STXBP5L: variants seen among roughly 807,000 people sequenced by gnomAD.
The protein encoded by STXBP5L is syntaxin binding protein 5L.
Under a neutral mutation model 144.5 loss-of-function variants are expected in STXBP5L, and 65 were observed. The ratio of observed to expected loss-of-function variants is 0.45; its 90% CI spans 0.37 to 0.55. The LOEUF (loss-of-function observed/expected upper bound fraction) is 0.55, where lower values mean the gene tolerates loss of function less well. Among genes scored for constraint, STXBP5L ranks in the 20% least tolerant of loss-of-function variants. STXBP5L has a pLI of 0.00. For synonymous variants in STXBP5L, 505 were observed against 469.6 expected, an observed-to-expected ratio of 1.08 and a Z score of -0.97; for missense variants, 1,298 against 1,405.5, an observed-to-expected ratio of 0.92 and a Z score of 1.22.
intron 2 of STXBP5L, among the ~76,000 whole-genome samples, chr3:120,935,973 G>T (rs940768164): frequency 6.6e-6 from 1 of 151,846 alleles, no homozygotes; most frequent in African/African-American, 2.4e-5. Context: ...TCTTTCTCTT[G>T]ACCTTTCTGA....
At chr3:121,135,386 C>T (rs2045201893) in intron 7 of STXBP5L, among the ~76,000 whole-genome samples, 1 of 152,144 alleles carries the variant, frequency 6.6e-6, no homozygotes, top group South Asian at 2.1e-4. Flanking sequence ...CAAACCATAG[C>T]AATGGTGAAG....
In STXBP5L at chr3:121,378,789, T is replaced by C. The variant is rs771599118; in HGVS notation, c.2250T>C (p.Asp750=). The change falls in exon 21 of 27, where the codon GAT becomes GAC. Residue 750 remains aspartate (D), a synonymous_variant. Transcript: ENST00000471454. ...CSSGKRLSSA[D]VSKVNRWGPG... ...CTGGAAAACGTCTTTCTAGTGCCGA[T>C]GTTTCAAAAGTAAATCGCTGGGGTC... The C allele has an allele frequency of 1.9e-5, 30 of 1,613,638 alleles. No homozygotes were observed. In the African/African-American group the frequency reaches 3.5e-4, roughly 19 times the overall value.
At chr3:121,001,493 G>A (rs1223367262) in intron 3 of STXBP5L, among the ~76,000 whole-genome samples, 1 of 152,144 alleles carries the variant, frequency 6.6e-6, no homozygotes, top group Admixed American at 6.5e-5. Flanking sequence ...GGTATCCCTG[G>A]CTGTGCTCCA....
chr3:120,909,543 C>T, intron 1 of STXBP5L, 28 bp from the exon 2 acceptor site: 1 of 1,596,324 alleles, frequency 6.3e-7, no homozygotes, highest in South Asian at 1.1e-5. Context: ...CACCTCTTTC[C>T]CTTTTTTTCC....
intron 3 of STXBP5L, among the ~76,000 whole-genome samples, chr3:121,030,819 T>C (rs752480731): frequency 6.6e-6 from 1 of 152,066 alleles, no homozygotes; most frequent in Non-Finnish European, 1.5e-5. Flanking sequence ...ATCAATATTT[T>C]AGGAAAATTC....
chr3:121,094,449 G>A (rs1385451241), intron 5 of STXBP5L, among the ~76,000 whole-genome samples: 1 of 151,890 alleles, frequency 6.6e-6, no homozygotes, highest in Non-Finnish European at 1.5e-5. Context: ...TATGAGTCTG[G>A]GTGCTCCTGT....
intron 22 of STXBP5L, among the ~76,000 whole-genome samples, chr3:121,383,253 A>C (rs571523514): frequency 6.6e-6 from 1 of 152,242 alleles, no homozygotes; most frequent in South Asian, 2.1e-4. Flanking sequence ...TCTGGGCAGC[A>C]TAATGAGACC....
At chr3:121,033,201 A>T (rs1219673935) in intron 3 of STXBP5L, among the ~76,000 whole-genome samples, 1 of 142,930 alleles carries the variant, frequency 7.0e-6, no homozygotes, top group East Asian at 2.0e-4. Context: ...GACTGGATTA[A>T]AAAATGTGGC....
At chr3:121,400,310 T>C (rs565945497) in intron 22 of STXBP5L, among the ~76,000 whole-genome samples, 71 of 152,200 alleles carry the variant, frequency 4.7e-4, no homozygotes, top group African/African-American at 1.6e-3. Context: ...GGAGTATACA[T>C]AGAGGTGGTC....
chr3:121,313,289 G>A (rs550519122), intron 19 of STXBP5L, among the ~76,000 whole-genome samples: 23 of 142,000 alleles, frequency 1.6e-4, no homozygotes, highest in African/African-American at 2.6e-4. Context: ...CAGTAGGGGC[G>A]GCTGGGCAGA....
intron 5 of STXBP5L, among the ~76,000 whole-genome samples, chr3:121,063,894 A>T (rs943236159): frequency 6.6e-5 from 10 of 151,834 alleles, no homozygotes; most frequent in Non-Finnish European, 1.3e-4. Flanking sequence ...TGACAGCAAG[A>T]GTTTCAAGCC....
At chr3:121,227,112 G>T (rs962522447) in intron 11 of STXBP5L, among the ~76,000 whole-genome samples, 3 of 152,080 alleles carry the variant, frequency 2.0e-5, no homozygotes, top group African/African-American at 7.2e-5. Context: ...GAATTTTAAG[G>T]AATCAAGTAG....
intron 2 of STXBP5L, among the ~76,000 whole-genome samples, chr3:120,938,803 C>A (rs1448433970): frequency 6.6e-6 from 1 of 152,090 alleles, no homozygotes; most frequent in African/African-American, 2.4e-5. Context: ...TTCTTAGAGA[C>A]AGAGGCTTGC....
intron 5 of STXBP5L, among the ~76,000 whole-genome samples, chr3:121,086,376 G>A (rs2107711784): frequency 6.6e-6 from 1 of 152,194 alleles, no homozygotes; most frequent in African/African-American, 2.4e-5. Flanking sequence ...ACATATAAAA[G>A]AGGATAATGA....
intron 5 of STXBP5L, among the ~76,000 whole-genome samples, chr3:121,056,927 T>A (rs2107615308): frequency 6.6e-6 from 1 of 150,678 alleles, no homozygotes; most frequent in East Asian, 1.9e-4. Flanking sequence ...TTTAAACAAA[T>A]TAGCAAGGTC....
chr3:121,319,829 A>G (rs1486903797), intron 20 of STXBP5L, among the ~76,000 whole-genome samples: 2 of 152,206 alleles, frequency 1.3e-5, no homozygotes, highest in Non-Finnish European at 2.9e-5. Context: ...AAATTTTGTT[A>G]TAGCTGGCCA....
intron 9 of STXBP5L, among the ~76,000 whole-genome samples, chr3:121,175,672 G>T (rs2046905219): frequency 6.6e-6 from 1 of 151,754 alleles, no homozygotes; most frequent in Non-Finnish European, 1.5e-5. Flanking sequence ...AAGAAATAAA[G>T]AACAAATAGA....
In STXBP5L at chr3:121,318,346, C is replaced by T. The variant is rs554397589; in HGVS notation, c.2111-129C>T. The T allele has an allele frequency of 1.1e-4, 50 of 463,284 alleles. 1 individual carries two copies. The highest frequency in any genetic ancestry group is 6.8e-4 in the South Asian group (14 of 20,648). The allele number at this position is 463,284 out of a possible 1,614,324, so 28.7% of individuals were successfully genotyped here. ...TATTTTTAAAATTCAGAATAATTGA[C>T]GTAACTTGGACATGATAAAGTAGTT... On this transcript the variant is annotated intron_variant, in intron 19 of 26. Coordinates refer to ENST00000471454, the MANE Select transcript of STXBP5L (RefSeq NM_001308330.2).
At chr3:121,132,199 C>T (rs2045023148) in intron 7 of STXBP5L, among the ~76,000 whole-genome samples, 1 of 152,196 alleles carries the variant, frequency 6.6e-6, no homozygotes, top group South Asian at 2.1e-4. Flanking sequence ...TGCCCTGCTG[C>T]TTAGCACAGA....
Sources: gnomAD v4.1 joint callset for allele counts (sites outside exome capture counted in the v4.1 genomes callset) on GRCh38, gnomAD v4.1.1 for gene constraint, MANE v1.5 for transcripts, NCBI Gene and HGNC (gene_info 2026-07-23, HGNC 2026-07-21) for gene names.